The following GATAD2B variants were observed in gnomAD, a reference collection of about 807,000 sequenced individuals.
GATAD2B encodes GATA zinc finger domain containing 2B.
A neutral mutation model predicts 64.3 loss-of-function variants in GATAD2B; 8 were observed. That is an observed-to-expected ratio of 0.12 (90% confidence interval 0.07 to 0.22). The LOEUF is 0.22. GATAD2B is among the 10% of genes least tolerant of loss of function. The probability of loss-of-function intolerance (pLI) is 1.00; values close to 1 mark genes in which losing one functional copy is unlikely to be tolerated. For missense variants in GATAD2B, 453 were observed against 752.0 expected (o/e 0.60, Z 4.65); for synonymous variants, 281 against 271.3 (o/e 1.04, Z -0.35).
intron 1 of GATAD2B, among the ~76,000 whole-genome samples, chr1:153,920,809 T>C (rs1225611694): frequency 6.6e-6 from 1 of 152,204 alleles, no homozygotes; most frequent in African/African-American, 2.4e-5. Flanking sequence ...CTTTTCTACC[T>C]TGTTCCATGA....
chr1:153,817,495 C>T lies in GATAD2B; in HGVS notation c.777G>A (p.Met259Ile). 6.2e-7 allele frequency: 1 copy of T among 1,612,096 alleles called. No homozygotes were observed. ...RSATNTTLPH[M>I]LMSQRVIAPN... Reference sequence around the variant, plus strand: ...GTGCAATAACACGTTGAGACATCAACATGTGTGGAAGGGTGGTATTGGTAG... The same window carrying T: ...GTGCAATAACACGTTGAGACATCAATATGTGTGGAAGGGTGGTATTGGTAG... Residue 259 changes from methionine to isoleucine, a missense_variant, in exon 6 of 11, where the codon ATG becomes ATA. Met to Ile is a conservative substitution (Grantham distance 10). This residue lies in a region of GATAD2B where 293 missense variants were observed against 417.2 expected (regional missense o/e 0.70). Transcript: ENST00000368655.
chr1:153,919,591 C>T (rs1678367901), intron 1 of GATAD2B, among the ~76,000 whole-genome samples: 1 of 152,086 alleles, frequency 6.6e-6, no homozygotes, highest in African/African-American at 2.4e-5. Flanking sequence ...GAGGATAAAC[C>T]AAATAATATG....
chr1:153,871,824 C>T (rs1310664681), intron 1 of GATAD2B, among the ~76,000 whole-genome samples: 1 of 152,098 alleles, frequency 6.6e-6, no homozygotes, highest in African/African-American at 2.4e-5. Flanking sequence ...GTGGCCCGTG[C>T]CTGTAGTCCC....
chr1:153,887,496 A>G (rs1184395002), intron 1 of GATAD2B, among the ~76,000 whole-genome samples: 1 of 152,228 alleles, frequency 6.6e-6, no homozygotes, highest in Non-Finnish European at 1.5e-5. Context: ...ACTACCTTAT[A>G]ATGCAGAATA....
At chr1:153,899,384 C>G (rs1677697431) in intron 1 of GATAD2B, among the ~76,000 whole-genome samples, 1 of 152,116 alleles carries the variant, frequency 6.6e-6, no homozygotes, top group Non-Finnish European at 1.5e-5. Context: ...GCGTGGCCAA[C>G]ATAGTGAAAC....
chr1:153,916,762 GTATGACAGGTTATTTT>G (rs1678278603), intron 1 of GATAD2B, among the ~76,000 whole-genome samples: 1 of 152,080 alleles, frequency 6.6e-6, no homozygotes, highest in South Asian at 2.1e-4. Context: ...CATGAGATTA[GTATGACAGGTTATTTT>G]TATTCCTATT....
At chr1:153,870,565 T>G (rs752827666) in intron 1 of GATAD2B, among the ~76,000 whole-genome samples, 23 of 152,042 alleles carry the variant, frequency 1.5e-4, no homozygotes, top group Admixed American at 6.6e-4. Context: ...AGAGCCAGAC[T>G]CCGTCTCAAA....
intron 1 of GATAD2B, among the ~76,000 whole-genome samples, chr1:153,906,578 C>T (rs1413897752): frequency 6.6e-6 from 1 of 151,892 alleles, no homozygotes; most frequent in Non-Finnish European, 1.5e-5. Context: ...CTCTTAGATG[C>T]TTCATGATGT....
At chr1:153,893,671 T>G (rs1677490372) in intron 1 of GATAD2B, among the ~76,000 whole-genome samples, 1 of 151,528 alleles carries the variant, frequency 6.6e-6, no homozygotes, top group African/African-American at 2.4e-5. Flanking sequence ...TTAGAAAAGT[T>G]TATTCTTGGC....
At chr1:153,909,783 C>CA (rs35951173) in intron 1 of GATAD2B, among the ~76,000 whole-genome samples, 59,341 of 133,352 alleles carry the variant, frequency 0.44, 12,967 homozygotes, top group East Asian at 0.78. Flanking sequence ...ACTAAAAATA[C>CA]AAAAAAAAAA....
At chr1:153,869,289 C>T (rs1234283874) in intron 1 of GATAD2B, among the ~76,000 whole-genome samples, 1 of 45,766 alleles carries the variant, frequency 2.2e-5, no homozygotes, top group African/African-American at 6.9e-5. Context: ...AAGACTATAT[C>T]TCAAAAAAAA....
chr1:153,883,617 T>C (rs1280867722), intron 1 of GATAD2B, among the ~76,000 whole-genome samples: 1 of 152,248 alleles, frequency 6.6e-6, no homozygotes, highest in Non-Finnish European at 1.5e-5. Context: ...ATGTTGATGA[T>C]GGTAAGTATG....
chr1:153,900,973 G>C (rs1408449761), intron 1 of GATAD2B, among the ~76,000 whole-genome samples: 2 of 151,910 alleles, frequency 1.3e-5, no homozygotes, highest in African/African-American at 4.8e-5. Flanking sequence ...CAGAACTTTG[G>C]GAGGCCAAGG....
At chr1:153,889,312 TG>T (rs1361695318) in intron 1 of GATAD2B, among the ~76,000 whole-genome samples, 1 of 147,536 alleles carries the variant, frequency 6.8e-6, no homozygotes, top group Non-Finnish European at 1.5e-5. Context: ...CTCGGTGGGC[TG>T]AGGCAGGAGA....
rs556004605 is a variant in GATAD2B at position 153,845,516 on chromosome 1, C to T, written c.-1-17168G>A. On this transcript the variant is annotated intron_variant, in intron 1 of 10. Transcript: ENST00000368655. ...ATCCCAGCACTTTGGGAGGCTGAGACGGGTGGATCCCATGAGCTCAGGAGT... is the reference window on the plus strand; with the variant it reads ...ATCCCAGCACTTTGGGAGGCTGAGATGGGTGGATCCCATGAGCTCAGGAGT... Among the ~76,000 whole-genome samples, 107 of 152,100 alleles carry T rather than the reference C, an allele frequency of 7.0e-4. 1 individual carries two copies. In the South Asian group the frequency reaches 0.012, roughly 17 times the overall value.
chr1:153,830,309 A>G (rs1012115666), intron 1 of GATAD2B, among the ~76,000 whole-genome samples: 10 of 150,598 alleles, frequency 6.6e-5, no homozygotes, highest in Admixed American at 3.3e-4. Context: ...CACCACGTCC[A>G]GCTAATTTTT....
chr1:153,860,586 T>C (rs1676246628), intron 1 of GATAD2B, among the ~76,000 whole-genome samples: 1 of 152,136 alleles, frequency 6.6e-6, no homozygotes, highest in South Asian at 2.1e-4. Context: ...CCTCCCACCT[T>C]GGCCTCCCAA....
In GATAD2B at chr1:153,824,425, C is replaced by T. The variant is rs186837263; in HGVS notation, c.335+3588G>A. Among the ~76,000 whole-genome samples, 173 of 152,018 alleles carry T rather than the reference C, an allele frequency of 1.1e-3. 1 individual carries two copies. Among genetic ancestry groups the T allele is most frequent in the African/African-American group, 4.0e-3 (164 of 41,490 alleles). Reference sequence around the variant, plus strand: ...CGGGTGAATCACAAGGTCAGCAGATCGAGACCATCTGGCCAACATGGCGAA... The same window carrying T: ...CGGGTGAATCACAAGGTCAGCAGATTGAGACCATCTGGCCAACATGGCGAA... On this transcript the variant is annotated intron_variant, in intron 2 of 10. Transcript: ENST00000368655.
chr1:153,841,663 G>GA (rs1675500336), intron 1 of GATAD2B, among the ~76,000 whole-genome samples: 1 of 152,112 alleles, frequency 6.6e-6, no homozygotes, highest in African/African-American at 2.4e-5. Flanking sequence ...AGTATTCCAT[G>GA]GTATGGATGT....
Sources: allele counts gnomAD v4.1 joint callset (sites outside exome capture counted in the v4.1 genomes callset), GRCh38; gene constraint gnomAD v4.1.1; regional missense constraint gnomAD v4.1.1; transcripts MANE v1.5; gene names NCBI Gene and HGNC (gene_info 2026-07-23, HGNC 2026-07-21).